The following PDE11A variants were observed in gnomAD, a reference collection of about 807,000 sequenced individuals.
PDE11A encodes phosphodiesterase 11A.
A neutral mutation model predicts 100.5 loss-of-function variants in PDE11A; 100 were observed. The observed-to-expected ratio is 1.00, with a 90% confidence interval of 0.85 to 1.18. The LOEUF (loss-of-function observed/expected upper bound fraction) is 1.18, where lower values mean the gene tolerates loss of function less well. PDE11A is among the 50% of genes most tolerant of loss of function. The probability of loss-of-function intolerance (pLI) is 0.00; values close to 1 mark genes in which losing one functional copy is unlikely to be tolerated. For missense variants in PDE11A, 1,141 were observed against 1,152.6 expected, an observed-to-expected ratio of 0.99 and a Z score of 0.15; for synonymous variants, 381 against 420.8, an observed-to-expected ratio of 0.91 and a Z score of 1.16.
chr2:177,803,683 C>G (rs905175755), intron 9 of PDE11A, among the ~76,000 whole-genome samples: 1 of 151,954 alleles, frequency 6.6e-6, no homozygotes, highest in Non-Finnish European at 1.5e-5. Flanking sequence ...ATCACACAAA[C>G]AGAATTAAAA....
At chr2:177,680,076 C>T (rs73042845) in intron 16 of PDE11A, among the ~76,000 whole-genome samples, 2,755 of 152,166 alleles carry the variant, frequency 0.018, 36 homozygotes, top group East Asian at 0.045. Flanking sequence ...GCAGATACGG[C>T]AGGACTATGT....
intron 9 of PDE11A, among the ~76,000 whole-genome samples, chr2:177,798,763 G>A (rs1054938456): frequency 6.9e-6 from 1 of 145,918 alleles, no homozygotes; most frequent in Non-Finnish European, 1.5e-5. Context: ...CACATAAACA[G>A]AGAGAAGAGA....
chr2:177,768,573 C>A (rs1237362740), intron 10 of PDE11A, among the ~76,000 whole-genome samples: 3 of 152,208 alleles, frequency 2.0e-5, no homozygotes, highest in Non-Finnish European at 2.9e-5. Context: ...GTGTTTTGCT[C>A]ATTGCTAAAA....
At chr2:177,933,831 C>T (rs2085238923) in intron 2 of PDE11A, among the ~76,000 whole-genome samples, 1 of 152,126 alleles carries the variant, frequency 6.6e-6, no homozygotes, top group Non-Finnish European at 1.5e-5. Context: ...AAGCCACACA[C>T]CTACAGTCAC....
intron 10 of PDE11A, among the ~76,000 whole-genome samples, chr2:177,753,365 T>C (rs2082049485): frequency 6.6e-6 from 1 of 152,066 alleles, no homozygotes; most frequent in Non-Finnish European, 1.5e-5. Flanking sequence ...TGTGTTATAG[T>C]AACAACAAAA....
At chr2:177,702,314 CAAA>C (rs11352844) in intron 13 of PDE11A, among the ~76,000 whole-genome samples, 3 of 140,786 alleles carry the variant, frequency 2.1e-5, no homozygotes, top group Non-Finnish European at 3.1e-5. Flanking sequence ...GACTCCGTCT[CAAA>C]AAAAAAAAAA....
intron 2 of PDE11A, chr2:177,997,641 C>G: frequency 6.9e-7 from 1 of 1,440,046 alleles, no homozygotes; most frequent in Admixed American, 1.7e-5. Context: ...CAAAGTATTG[C>G]AGCCTGATTT....
At chr2:177,827,126 A>T (rs1483092199) in intron 6 of PDE11A, among the ~76,000 whole-genome samples, 1 of 152,194 alleles carries the variant, frequency 6.6e-6, no homozygotes, top group Non-Finnish European at 1.5e-5. Flanking sequence ...TAAATCAGAG[A>T]ATCTCAGAGC....
chr2:177,955,513 G>C (rs1348546167), intron 2 of PDE11A, among the ~76,000 whole-genome samples: 1 of 152,162 alleles, frequency 6.6e-6, no homozygotes, highest in Non-Finnish European at 1.5e-5. Flanking sequence ...CTAGGACAGT[G>C]CTTCCCAATT....
At chr2:178,085,987 A>C (rs1326568556) in intron 2 of PDE11A, among the ~76,000 whole-genome samples, 11 of 152,220 alleles carry the variant, frequency 7.2e-5, no homozygotes, top group African/African-American at 2.7e-4. Flanking sequence ...TAATAAAAAC[A>C]ATCTTTGGGC....
intron 10 of PDE11A, among the ~76,000 whole-genome samples, chr2:177,764,216 C>T (rs754240512): frequency 5.9e-5 from 9 of 151,998 alleles, no homozygotes; most frequent in Non-Finnish European, 1.0e-4. Context: ...ATTTTATTTA[C>T]TAGGATATTA....
intron 2 of PDE11A, among the ~76,000 whole-genome samples, chr2:178,003,605 G>A (rs554619515): frequency 6.6e-6 from 1 of 152,100 alleles, no homozygotes; most frequent in South Asian, 2.1e-4. Context: ...ACTGCTAATG[G>A]GTATAGGGTT....
At chr2:177,787,011 AC>A (rs2105527394) in intron 9 of PDE11A, among the ~76,000 whole-genome samples, 1 of 145,486 alleles carries the variant, frequency 6.9e-6, no homozygotes, top group Admixed American at 6.8e-5. Flanking sequence ...AGGCAGGCCA[AC>A]ATTCAGATTC....
chr2:177,652,904 C>A lies in PDE11A; in HGVS notation c.2646+10962G>T, dbSNP rs144238184. 3.4e-3 allele frequency among the ~76,000 whole-genome samples: 514 copies of A among 152,232 alleles called. 2 individuals are homozygous for A. Among genetic ancestry groups the A allele is most frequent in the Non-Finnish European group, 5.7e-3 (388 of 68,004 alleles). ...GCTTTTTGGTTTGCATCTATTCTTT[C>A]ATATTGGAGGCTTTGCTCAAACATT... is the stretch of plus-strand genomic sequence containing the variant. On this transcript the variant is annotated intron_variant, in intron 19 of 19. Coordinates refer to ENST00000286063, the MANE Select transcript of PDE11A (RefSeq NM_016953.4).
chr2:177,704,175 T>A (rs2081242583), intron 13 of PDE11A, among the ~76,000 whole-genome samples: 1 of 152,140 alleles, frequency 6.6e-6, no homozygotes, highest in Admixed American at 6.5e-5. Flanking sequence ...GCATGTGGAA[T>A]ACAAAGAGAA....
At chr2:177,988,980 C>T (rs1406843961) in intron 2 of PDE11A, among the ~76,000 whole-genome samples, 3 of 152,302 alleles carry the variant, frequency 2.0e-5, no homozygotes, top group Admixed American at 6.5e-5. Flanking sequence ...AAATGTATCA[C>T]TTCTGTCTGC....
intron 1 of PDE11A, among the ~76,000 whole-genome samples, chr2:178,064,696 C>A (rs1351995764): frequency 1.3e-5 from 2 of 149,808 alleles, no homozygotes; most frequent in Non-Finnish European, 3.0e-5. Context: ...CAGTGGCACA[C>A]ATTTATAGTC....
chr2:177,827,779 A>G (rs907142838), intron 6 of PDE11A, among the ~76,000 whole-genome samples: 2 of 152,224 alleles, frequency 1.3e-5, no homozygotes, highest in Admixed American at 1.3e-4. Context: ...GAATGATTGT[A>G]ATGGTGAGGA....
intron 2 of PDE11A, among the ~76,000 whole-genome samples, chr2:177,944,599 T>C (rs1285487652): frequency 6.6e-6 from 1 of 152,214 alleles, no homozygotes; most frequent in East Asian, 1.9e-4. Context: ...ATCTCTGCAT[T>C]GCTTGATCTG....
Sources: gnomAD v4.1 joint callset for allele counts (sites outside exome capture counted in the v4.1 genomes callset) on GRCh38, gnomAD v4.1.1 for gene constraint, MANE v1.5 for transcripts, NCBI Gene and HGNC (gene_info 2026-07-23, HGNC 2026-07-21) for gene names.